The following DCLK1 variants were observed in gnomAD, a reference collection of about 807,000 sequenced individuals.
DCLK1 encodes serine/threonine-protein kinase DCLK1.
Under a neutral mutation model 86.2 loss-of-function variants are expected in DCLK1, and 16 were observed. The ratio of observed to expected loss-of-function variants is 0.19; its 90% CI spans 0.13 to 0.28. The LOEUF (loss-of-function observed/expected upper bound fraction) is 0.28. Among genes scored for constraint, DCLK1 ranks in the 10% least tolerant of loss-of-function variants. The probability of loss-of-function intolerance (pLI) is 1.00; values close to 1 mark genes in which losing one functional copy is unlikely to be tolerated. For missense variants in DCLK1, 590 were observed against 940.2 expected, an observed-to-expected ratio of 0.63 and a Z score of 4.87; for synonymous variants, 369 against 370.5, an observed-to-expected ratio of 1.00 and a Z score of 0.05.
intron 3 of DCLK1, among the ~76,000 whole-genome samples, chr13:35,956,974 A>G (rs1326646803): frequency 6.6e-6 from 1 of 152,162 alleles, no homozygotes; most frequent in African/African-American, 2.4e-5. Context: ...TATACCTTCA[A>G]AAAAGATTTT....
chr13:35,867,909 AAAAGAAAGAAAGAAAGAAAGAAAG>A (rs34489580), intron 5 of DCLK1, among the ~76,000 whole-genome samples: 26 of 102,434 alleles, frequency 2.5e-4, no homozygotes, highest in African/African-American at 8.4e-4. Flanking sequence ...GAAAGAAAGA[AAAAGAAAGAAAGAAAGAAAGAAAG>A]AAAGAAAGAA....
intron 3 of DCLK1, among the ~76,000 whole-genome samples, chr13:35,979,873 G>A (rs1343803232): frequency 6.6e-6 from 1 of 152,154 alleles, no homozygotes; most frequent in Non-Finnish European, 1.5e-5. Context: ...AAGTCAGCTG[G>A]ACCTGAGCAC....
At chr13:36,039,315 A>G (rs1882618917) in intron 3 of DCLK1, among the ~76,000 whole-genome samples, 1 of 152,172 alleles carries the variant, frequency 6.6e-6, no homozygotes, top group South Asian at 2.1e-4. Context: ...TCTGTGAAAA[A>G]TCAAAGGACA....
At chr13:35,849,268 G>A in intron 6 of DCLK1, 2 of 985,088 alleles carry the variant, frequency 2.0e-6, no homozygotes, top group Non-Finnish European at 2.4e-6. Context: ...TTATCAGGGA[G>A]ATAAATCAAT....
At chr13:36,128,018 T>C (rs1886249139) in intron 1 of DCLK1, among the ~76,000 whole-genome samples, 1 of 152,176 alleles carries the variant, frequency 6.6e-6, no homozygotes, top group Non-Finnish European at 1.5e-5. Context: ...CCATATTAGA[T>C]GGACATCACC....
In DCLK1 at chr13:36,045,377, T is replaced by TATAC. The variant is rs568110221; in HGVS notation, c.723+66491_723+66492insGTAT. On this transcript the variant is annotated intron_variant, in intron 3 of 16. Coordinates refer to ENST00000360631, the MANE Select transcript of DCLK1 (RefSeq NM_001330071.2). ...ATATATATATATATATATATATATA[T>TATAC]TTCAAGGTAAATTGCTAACATCAGT... Among the ~76,000 whole-genome samples the TATAC allele has an allele frequency of 1.7e-3, 207 of 125,050 alleles. 2 individuals carry two copies. Among genetic ancestry groups the TATAC allele is most frequent in the African/African-American group, 5.0e-3 (176 of 35,070 alleles). 82.0% of individuals were successfully genotyped at this position (125,050 alleles called of 152,430 possible). A position where few individuals can be genotyped will look rare whatever the true frequency, so the allele number is the denominator to read the frequency against.
chr13:35,785,932 C>T (rs568107875), intron 16 of DCLK1, among the ~76,000 whole-genome samples: 43 of 152,228 alleles, frequency 2.8e-4, no homozygotes, highest in Non-Finnish European at 5.0e-4. Flanking sequence ...GCATATATGC[C>T]GATGAGTTTT....
At chr13:35,998,603 C>T (rs1880577109) in intron 3 of DCLK1, among the ~76,000 whole-genome samples, 1 of 152,110 alleles carries the variant, frequency 6.6e-6, no homozygotes, top group Non-Finnish European at 1.5e-5. Flanking sequence ...AATATTCTTC[C>T]CTCTCTCCTT....
chr13:35,828,338 G>C (rs2296646), intron 8 of DCLK1, 31 bp from the exon 9 acceptor site: 1 of 1,571,862 alleles, frequency 6.4e-7, no homozygotes, highest in South Asian at 1.1e-5. Context: ...TTTTTAAAAT[G>C]AAACTTAACT....
chr13:36,002,169 C>T (rs933044282), intron 3 of DCLK1, among the ~76,000 whole-genome samples: 51 of 152,280 alleles, frequency 3.3e-4, no homozygotes, highest in Non-Finnish European at 6.6e-4. Context: ...TAAGCACAGG[C>T]TTTTTGGTCT....
intron 11 of DCLK1, among the ~76,000 whole-genome samples, chr13:35,811,703 G>A (rs958120209): frequency 2.6e-5 from 4 of 151,716 alleles, no homozygotes; most frequent in Admixed American, 6.6e-5. Context: ...GCGTGGTGGC[G>A]GGCACCTGTA....
intron 4 of DCLK1, among the ~76,000 whole-genome samples, chr13:35,931,175 T>C (rs1362885723): frequency 6.6e-6 from 1 of 152,184 alleles, no homozygotes; most frequent in Non-Finnish European, 1.5e-5. Flanking sequence ...TGTTGGTCTT[T>C]GGCTAGGCAG....
At chr13:36,093,034 G>A (rs943831791) in intron 3 of DCLK1, among the ~76,000 whole-genome samples, 3 of 152,102 alleles carry the variant, frequency 2.0e-5, no homozygotes, top group Non-Finnish European at 4.4e-5. Flanking sequence ...AGGCCTTCCC[G>A]AATAAGAGAC....
intron 6 of DCLK1, chr13:35,850,743 C>T: frequency 6.2e-7 from 1 of 1,603,808 alleles, no homozygotes; most frequent in Non-Finnish European, 8.5e-7. Context: ...CCTACTGAAT[C>T]CAAGTCATCC....
intron 8 of DCLK1, among the ~76,000 whole-genome samples, chr13:35,834,386 A>G (rs1468915548): frequency 6.6e-6 from 1 of 152,116 alleles, no homozygotes; most frequent in South Asian, 2.1e-4. Context: ...GAGGCTCCTT[A>G]TTAGTGGAGT....
At chr13:35,832,668 C>T (rs957075703) in intron 8 of DCLK1, among the ~76,000 whole-genome samples, 3 of 152,146 alleles carry the variant, frequency 2.0e-5, no homozygotes, top group Non-Finnish European at 2.9e-5. Flanking sequence ...AGTAACACAC[C>T]GTTTGTTTAC....
At chr13:35,804,095 A>G (rs17052882) in intron 15 of DCLK1, among the ~76,000 whole-genome samples, 32,250 of 152,130 alleles carry the variant, frequency 0.21, 4,179 homozygotes, top group East Asian at 0.39. Flanking sequence ...AGACTCTAGA[A>G]GTTAAGCATT....
At chr13:36,094,976 C>A (rs1378229563) in intron 3 of DCLK1, among the ~76,000 whole-genome samples, 1 of 152,216 alleles carries the variant, frequency 6.6e-6, no homozygotes, top group Non-Finnish European at 1.5e-5. Context: ...CCCTTATGCA[C>A]AAGCACTAGA....
chr13:35,780,242 A>T (rs1005299579), intron 16 of DCLK1, among the ~76,000 whole-genome samples: 2 of 152,218 alleles, frequency 1.3e-5, no homozygotes, highest in African/African-American at 4.8e-5. Context: ...GTATGTCCTC[A>T]GGTATAGGCT....
Sources: gnomAD v4.1 joint callset for allele counts (sites outside exome capture counted in the v4.1 genomes callset) on GRCh38, gnomAD v4.1.1 for gene constraint, MANE v1.5 for transcripts, NCBI Gene and HGNC (gene_info 2026-07-23, HGNC 2026-07-21) for gene names.